Variants in SH3PXD2B observed in about 807,000 individuals in gnomAD.
SH3PXD2B encodes SH3 and PX domains 2B, also known as SH3 and PX domain-containing protein 2B.
SH3PXD2B carries 37 observed loss-of-function variants against 73.1 expected under a neutral mutation model. The observed-to-expected ratio is 0.51, with a 90% CI of 0.39 to 0.67. SH3PXD2B has a LOEUF of 0.67. Among genes scored for constraint, SH3PXD2B ranks in the 30% least tolerant of loss-of-function variants. The probability of loss-of-function intolerance (pLI) is 0.00; values close to 1 mark genes in which losing one functional copy is unlikely to be tolerated. For synonymous variants in SH3PXD2B, 457 were observed against 480.5 expected (o/e 0.95, Z 0.64); for missense variants, 1,053 against 1,197.8 (o/e 0.88, Z 1.78).
chr5:172,338,767 C>G lies in SH3PXD2B; in HGVS notation c.2338G>C (p.Gly780Arg). Residue 780 changes from glycine (G) to arginine (R), a missense_variant, in exon 13 of 13, where the codon GGT (glycine) becomes CGT (arginine). By Grantham distance (125) the Gly-to-Arg change is moderately radical (BLOSUM62 -2). Around this residue, in one of 2 missense-constraint regions of SH3PXD2B, gnomAD observed 587 missense variants for 590.7 expected, o/e 0.99. Coordinates refer to ENST00000311601, the MANE Select transcript of SH3PXD2B (RefSeq NM_001017995.3). This position sits in a 1 kb window ranked among gnomAD's most constrained non-coding sequence, Gnocchi z 5.1. ...SSSRPLPEVR[G>R]PQCEGHESRA... Reference sequence around the variant, plus strand: ...CTTTCGTGGCCTTCACACTGTGGACCTCTGACCTCTGGGAGCGGCCTGGAT... The same window carrying G: ...CTTTCGTGGCCTTCACACTGTGGACGTCTGACCTCTGGGAGCGGCCTGGAT... The G allele has an allele frequency of 6.2e-7, 1 of 1,614,208 alleles. No homozygotes were observed. Among genetic ancestry groups the G allele is most frequent in the Non-Finnish European group, 8.5e-7 (1 of 1,180,036 alleles).
chr5:172,414,771 C>T (rs1341008906), intron 2 of SH3PXD2B, among the ~76,000 whole-genome samples: 5 of 152,198 alleles, frequency 3.3e-5, no homozygotes, highest in Admixed American at 6.5e-5. Flanking sequence ...GCATTTCTCC[C>T]GAGGGCTCCT....
rs1467223108 is a variant in SH3PXD2B, at chr5:172,374,901, G to A, written c.402-1086C>T. Among the ~76,000 whole-genome samples, 7 of 152,236 alleles carry A rather than the reference G, an allele frequency of 4.6e-5. No homozygotes were observed. In the Middle Eastern group the frequency reaches 0.01, roughly 222 times the overall value. ...AGTTCACTCATTCAATACTCACAAC[G>A]ATCCCAGGAAATAAGTATTATTCTT... is the stretch of plus-strand genomic sequence containing the variant. On this transcript the variant is annotated intron_variant, in intron 5 of 12. Coordinates refer to ENST00000311601, the MANE Select transcript of SH3PXD2B (RefSeq NM_001017995.3).
At chr5:172,369,710 G>A (rs1261055406) in intron 6 of SH3PXD2B, among the ~76,000 whole-genome samples, 1 of 152,144 alleles carries the variant, frequency 6.6e-6, no homozygotes, top group Non-Finnish European at 1.5e-5. Context: ...GGAGGTTGCA[G>A]TGAGCCGAGA....
chr5:172,442,446 T>C (rs1450929374), intron 1 of SH3PXD2B, among the ~76,000 whole-genome samples: 1 of 152,246 alleles, frequency 6.6e-6, no homozygotes, highest in Non-Finnish European at 1.5e-5. Context: ...AAGATGCCTT[T>C]ATAGTTCATT....
At chr5:172,346,380 G>C in intron 11 of SH3PXD2B, 119 bp from the exon 12 acceptor site, 1 of 1,500,302 alleles carries the variant, frequency 6.7e-7, no homozygotes. Flanking sequence ...TGGGGACCTA[G>C]TTGGATTCTA....
chr5:172,355,082 C>T (rs1332337316), intron 8 of SH3PXD2B, among the ~76,000 whole-genome samples: 1 of 152,254 alleles, frequency 6.6e-6, no homozygotes, highest in East Asian at 1.9e-4. Context: ...GAGGAGAGGG[C>T]TCTCCTGTTT....
chr5:172,372,377 C>A (rs1460881827), intron 6 of SH3PXD2B, among the ~76,000 whole-genome samples: 1 of 152,294 alleles, frequency 6.6e-6, no homozygotes, highest in Admixed American at 6.5e-5. Context: ...AAACTGCTTG[C>A]TCCACCTTTG....
In SH3PXD2B at chr5:172,339,153, T is replaced by C; in HGVS notation, c.1952A>G (p.Lys651Arg). Reference protein sequence around the residue: ...QVRPKPAPSPKTEPPQGEDQV... With the variant: ...QVRPKPAPSPRTEPPQGEDQV... Reference sequence around the variant, plus strand: ...GTCTTCGCCCTGAGGTGGCTCCGTTTTGGGGGAAGGAGCTGGTTTTGGCCT... The same window carrying C: ...GTCTTCGCCCTGAGGTGGCTCCGTTCTGGGGGAAGGAGCTGGTTTTGGCCT... The change falls in exon 13 of 13, where the codon AAA becomes AGA. Residue 651 changes from lysine to arginine, a missense_variant. Transcript: ENST00000311601. The surrounding 1 kb of genome is among the most constrained non-coding windows in gnomAD (Gnocchi z 6.1). 1.2e-6 allele frequency: 2 copies of C among 1,614,162 alleles called. No individual in the cohort carries two copies. Among genetic ancestry groups the C allele is most frequent in the Middle Eastern group, 3.3e-4 (2 of 6,062 alleles).
chr5:172,430,868 CT>C (rs5873323), intron 1 of SH3PXD2B, among the ~76,000 whole-genome samples: 66,875 of 149,458 alleles, frequency 0.45, 15,070 homozygotes, highest in African/African-American at 0.53. Context: ...TTCTTTCTTT[CT>C]TTTTTTTTTT....
At position 172,439,269 on chromosome 5, in the gene SH3PXD2B, ACAAAAACAAAACAAAAAAAAAACC is replaced by A. The variant is rs1424533209; in HGVS notation, c.75+14985_75+15008del. ...AAAAAAAGAAAAAAAAAAAACAAAA[ACAAAAACAAAACAAAAAAAAAACC>A]CCAAAAAAAAACCACAGGCATCGGC... On this transcript the variant is annotated intron_variant, in intron 1 of 12. Coordinates refer to ENST00000311601, the MANE Select transcript of SH3PXD2B (RefSeq NM_001017995.3). Among the ~76,000 whole-genome samples, 117 of 75,064 alleles carry A rather than the reference ACAAAAACAAAACAAAAAAAAAACC, an allele frequency of 1.6e-3. 7 individuals are homozygous for A. Among genetic ancestry groups the A allele is most frequent in the African/African-American group, 5.3e-3 (110 of 20,870 alleles). The allele number at this position is 75,064 out of a possible 152,430, so 49.2% of individuals were successfully genotyped here.
At chr5:172,361,872 G>A (rs1306087279) in intron 7 of SH3PXD2B, among the ~76,000 whole-genome samples, 5 of 152,078 alleles carry the variant, frequency 3.3e-5, no homozygotes, top group Non-Finnish European at 7.4e-5. Context: ...CCTCTTCTTT[G>A]GACCTCAACT....
Position 172,382,020 on chromosome 5 carries a change from C to T in SH3PXD2B, c.401+16G>A. 6.2e-7 allele frequency: 1 copy of T among 1,602,710 alleles called. No homozygotes were observed. The highest frequency in any genetic ancestry group is 8.5e-7 in the Non-Finnish European group (1 of 1,174,430). On this transcript the variant is annotated intron_variant, in intron 5 of 12. Coordinates refer to ENST00000311601, the MANE Select transcript of SH3PXD2B (RefSeq NM_001017995.3). ...GCTGTGGGGCTCCATCTGGGGAAGC[C>T]CACAAACAAACTTACTCTTTGGGGG...
At chr5:172,447,815 C>G (rs2113518674) in intron 1 of SH3PXD2B, among the ~76,000 whole-genome samples, 1 of 152,078 alleles carries the variant, frequency 6.6e-6, no homozygotes, top group Non-Finnish European at 1.5e-5. Context: ...TGCACCAGAG[C>G]AGGCTGGGAC....
At chr5:172,377,299 T>G (rs370771490) in intron 5 of SH3PXD2B, among the ~76,000 whole-genome samples, 1 of 152,160 alleles carries the variant, frequency 6.6e-6, no homozygotes, top group East Asian at 1.9e-4. Flanking sequence ...CCAAAGTCCA[T>G]GTCAAGCCCT....
intron 6 of SH3PXD2B, among the ~76,000 whole-genome samples, chr5:172,367,215 GGC>G (rs1173798331): frequency 4.6e-5 from 7 of 151,914 alleles, no homozygotes; most frequent in South Asian, 2.1e-4. Context: ...TGGGATTACA[GGC>G]TTGAGCCACT....
At chr5:172,333,288 T>C (rs1756601306), downstream of SH3PXD2B, among the ~76,000 whole-genome samples, 1 of 152,098 alleles carries the variant, frequency 6.6e-6, no homozygotes, top group South Asian at 2.1e-4. Flanking sequence ...AGGTTCACCA[T>C]CCTTTGGACA....
chr5:172,346,028 G>T (rs548702407), intron 12 of SH3PXD2B, 108 bp downstream of exon 12: 15 of 1,551,924 alleles, frequency 9.7e-6, no homozygotes, highest in Non-Finnish European at 1.1e-5. Flanking sequence ...GTTAATCTCC[G>T]CCCCACCTCC....
At chr5:172,403,337 T>C (rs1232831719) in intron 3 of SH3PXD2B, among the ~76,000 whole-genome samples, 2 of 152,246 alleles carry the variant, frequency 1.3e-5, no homozygotes, top group Non-Finnish European at 2.9e-5. Flanking sequence ...CTTGCTTTTG[T>C]TCTGCTGACG....
intron 1 of SH3PXD2B, among the ~76,000 whole-genome samples, chr5:172,426,603 G>A (rs1024024852): frequency 1.3e-5 from 2 of 152,172 alleles, no homozygotes; most frequent in Non-Finnish European, 2.9e-5. Flanking sequence ...TTCATGAGGG[G>A]AGTGGGCATG....
Sources: allele counts gnomAD v4.1 joint callset (sites outside exome capture counted in the v4.1 genomes callset), GRCh38; gene constraint gnomAD v4.1.1; regional missense constraint gnomAD v4.1.1; non-coding constraint Gnocchi (gnomAD v3.1); transcripts MANE v1.5; gene names NCBI Gene and HGNC (gene_info 2026-07-23, HGNC 2026-07-21).